Variants in AGTPBP1 observed in about 807,000 individuals in gnomAD.
AGTPBP1 encodes the protein cytosolic carboxypeptidase 1.
AGTPBP1 carries 70 observed loss-of-function variants against 143.9 expected under a neutral mutation model. The observed-to-expected ratio is 0.49, with a 90% CI of 0.40 to 0.59. AGTPBP1 has a LOEUF of 0.59. Among genes scored for constraint, AGTPBP1 ranks in the 20% least tolerant of loss-of-function variants. The probability of loss-of-function intolerance (pLI) is 0.00; values close to 1 mark genes in which losing one functional copy is unlikely to be tolerated. For synonymous variants in AGTPBP1, 463 were observed against 500.2 expected, an observed-to-expected ratio of 0.93 and a Z score of 0.99; for missense variants, 1,229 against 1,464.5, an observed-to-expected ratio of 0.84 and a Z score of 2.62.
intron 17 of AGTPBP1, among the ~76,000 whole-genome samples, chr9:85,605,348 T>C (rs1042760893): frequency 6.6e-6 from 1 of 151,968 alleles, no homozygotes; most frequent in Non-Finnish European, 1.5e-5. Context: ...TTTAAAGCAC[T>C]GAAGGAAAAA....
intron 2 of AGTPBP1, among the ~76,000 whole-genome samples, chr9:85,695,791 CAA>C (rs1836191010): frequency 6.6e-6 from 1 of 152,018 alleles, no homozygotes; most frequent in Admixed American, 6.6e-5. Flanking sequence ...GATGGACAAA[CAA>C]TGATTATTCA....
At chr9:85,590,211 G>A (rs1828869180) in intron 19 of AGTPBP1, among the ~76,000 whole-genome samples, 1 of 151,870 alleles carries the variant, frequency 6.6e-6, no homozygotes, top group Admixed American at 6.6e-5. Flanking sequence ...AAATTACAAA[G>A]AAAAAAATTT....
intron 25 of AGTPBP1, among the ~76,000 whole-genome samples, chr9:85,548,527 T>G (rs1490891003): frequency 1.3e-5 from 2 of 152,210 alleles, no homozygotes; most frequent in Non-Finnish European, 2.9e-5. Context: ...CTTGGAGGAT[T>G]GTGTGAGACT....
At chr9:85,752,351 G>T in the AGTPBP1 span, among the ~76,000 whole-genome samples, 4 of 152,062 alleles carry the variant, frequency 2.6e-5, no homozygotes, top group Admixed American at 2.0e-4. Flanking sequence ...TTGAACACAA[G>T]AAATTGAACA....
chr9:85,724,455 A>C (rs1277807949), intron 1 of AGTPBP1, among the ~76,000 whole-genome samples: 1 of 152,142 alleles, frequency 6.6e-6, no homozygotes, highest in Non-Finnish European at 1.5e-5. Context: ...TTGAGAGAAC[A>C]ATCAGTTTAT....
chr9:85,623,483 G>A (rs1831073547), intron 14 of AGTPBP1, among the ~76,000 whole-genome samples: 2 of 152,110 alleles, frequency 1.3e-5, no homozygotes, highest in Non-Finnish European at 2.9e-5. Flanking sequence ...GGCAGGGCAT[G>A]GTGGCTCGTG....
At chr9:85,693,253 C>G (rs527767268) in intron 2 of AGTPBP1, among the ~76,000 whole-genome samples, 1 of 152,226 alleles carries the variant, frequency 6.6e-6, no homozygotes, top group African/African-American at 2.4e-5. Context: ...GATCCTTAAG[C>G]CTACCTATCC....
chr9:85,775,701 A>G, the AGTPBP1 span, among the ~76,000 whole-genome samples: 1 of 151,932 alleles, frequency 6.6e-6, no homozygotes, highest in African/African-American at 2.4e-5. Flanking sequence ...TCCAAGTCTC[A>G]AAACTAAAGA....
At chr9:85,803,707 C>T in the AGTPBP1 span, among the ~76,000 whole-genome samples, 1 of 152,216 alleles carries the variant, frequency 6.6e-6, no homozygotes, top group Non-Finnish European at 1.5e-5. Context: ...TATTTTCTAG[C>T]TCAGTCCTCT....
At position 85,633,374 on chromosome 9, in the gene AGTPBP1, C is replaced by T. The variant is rs1831816957; in HGVS notation, c.1303G>A (p.Asp435Asn). 6.5e-7 allele frequency: 1 copy of T among 1,532,868 alleles called. No individual in the cohort carries two copies. The highest frequency in any genetic ancestry group is 2.3e-5 in the Admixed American group (1 of 43,488). The allele number at this position is 1,532,868 out of a possible 1,614,324, so 95.0% of individuals were successfully genotyped here. A position where few individuals can be genotyped will look rare whatever the true frequency, so the allele number is the denominator to read the frequency against. ...LFPELVDDFQ[D>N]YDLISKEPKP... ...GGTTCTTTGGAGATTAAATCATAGT[C>T]CTTTGAAAATAAAAACATGTTTAAT... is the stretch of plus-strand genomic sequence containing the variant. Residue 435 changes from aspartate to asparagine, a missense_variant and splice_region_variant, in exon 14 of 26, where the codon GAC becomes AAC. By Grantham distance (23) the Asp-to-Asn change is conservative. Transcript: ENST00000357081.
the AGTPBP1 span, among the ~76,000 whole-genome samples, chr9:85,801,274 T>G: frequency 6.6e-6 from 1 of 152,208 alleles, no homozygotes; most frequent in South Asian, 2.1e-4. Context: ...ACTGCACCAC[T>G]GCACTCTGGC....
the AGTPBP1 span, among the ~76,000 whole-genome samples, chr9:85,764,356 C>G: frequency 6.6e-6 from 1 of 151,906 alleles, no homozygotes. Context: ...TGATAAAACC[C>G]CATCTCTAGT....
intron 1 of AGTPBP1, among the ~76,000 whole-genome samples, chr9:85,720,164 C>T (rs1034783731): frequency 9.2e-5 from 14 of 152,108 alleles, no homozygotes; most frequent in African/African-American, 1.4e-4. Context: ...ATCAGGATGA[C>T]GCTGGCCTCA....
intron 25 of AGTPBP1, among the ~76,000 whole-genome samples, chr9:85,562,682 A>G (rs1587630841): frequency 6.6e-6 from 1 of 152,358 alleles, no homozygotes; most frequent in East Asian, 1.9e-4. Context: ...TAATTATCAC[A>G]AATTCACTTT....
At chr9:85,584,848 A>G (rs1828504535) in intron 23 of AGTPBP1, among the ~76,000 whole-genome samples, 3 of 152,236 alleles carry the variant, frequency 2.0e-5, no homozygotes, top group Admixed American at 1.3e-4. Flanking sequence ...CAAATATAAA[A>G]GACTTGACTA....
intron 11 of AGTPBP1, among the ~76,000 whole-genome samples, chr9:85,650,216 A>G (rs968730973): frequency 6.6e-6 from 1 of 151,946 alleles, no homozygotes; most frequent in Non-Finnish European, 1.5e-5. Flanking sequence ...AGTTATTCAT[A>G]TTTTCCTAAA....
In AGTPBP1 at chr9:85,592,698, A is replaced by G. The variant is rs1158059802; in HGVS notation, c.2430T>C (p.His810=). 16 of 1,610,434 alleles carry G rather than the reference A, an allele frequency of 9.9e-6. No homozygotes were observed. In the Admixed American group the frequency reaches 1.9e-4, roughly 19 times the overall value. Residue 810 remains histidine (H), a synonymous_variant, in exon 19 of 26, where the codon CAT becomes CAC. Transcript: ENST00000357081. ...MGTDICYYKN[H]FSRSSVAAGG... is the part of the protein sequence containing the mutation. ...CTGCAGCAACTGAACTTCTTGAGAA[A>G]TGATTTCTGCAATAAAAACGCATAA...
chr9:85,745,258 A>G (rs1042892551), upstream of AGTPBP1, among the ~76,000 whole-genome samples: 3 of 152,188 alleles, frequency 2.0e-5, no homozygotes, highest in African/African-American at 7.2e-5. Flanking sequence ...ACAGCCATGG[A>G]CCTCTCAAAA....
At chr9:85,706,800 C>T (rs1837037409) in intron 2 of AGTPBP1, among the ~76,000 whole-genome samples, 1 of 151,956 alleles carries the variant, frequency 6.6e-6, no homozygotes, top group East Asian at 1.9e-4. Flanking sequence ...GGCGTAAACC[C>T]GGGAGGCAGA....
Sources: gnomAD v4.1 joint callset for allele counts (sites outside exome capture counted in the v4.1 genomes callset) on GRCh38, gnomAD v4.1.1 for gene constraint, MANE v1.5 for transcripts, NCBI Gene and HGNC (gene_info 2026-07-23, HGNC 2026-07-21) for gene names.